MYZAP: variants seen among roughly 807,000 people sequenced by gnomAD.
MYZAP encodes myocardial zonula adherens protein.
A neutral mutation model predicts 69.4 loss-of-function variants in MYZAP; 66 were observed. That is an observed-to-expected ratio of 0.95 (90% CI 0.78 to 1.17). MYZAP has a LOEUF of 1.17. MYZAP is among the 50% of genes most tolerant of loss of function. The pLI, the probability that MYZAP is intolerant of heterozygous loss-of-function variation, is 0.00. For missense variants in MYZAP, 611 were observed against 556.2 expected (o/e 1.10, Z -0.99); for synonymous variants, 256 against 205.9 (o/e 1.24, Z -2.09).
chr15:57,673,463 CGT>C (rs3051249), intron 11 of MYZAP, among the ~76,000 whole-genome samples: 18,109 of 102,198 alleles, frequency 0.18, 1,188 homozygotes, highest in East Asian at 0.24. Context: ...TGCGTGCATG[CGT>C]GTGTGTGTGT....
intron 12 of MYZAP, among the ~76,000 whole-genome samples, chr15:57,683,846 GT>G (rs1226800448): frequency 2.0e-5 from 3 of 151,852 alleles, no homozygotes; most frequent in South Asian, 2.1e-4. Flanking sequence ...CCAGGCTGGA[GT>G]GCAGTGGCAT....
chr15:57,668,909 C>A (rs1595932128), intron 11 of MYZAP, among the ~76,000 whole-genome samples: 1 of 127,340 alleles, frequency 7.9e-6, no homozygotes, highest in African/African-American at 3.5e-5. Context: ...TTTTTTTTTG[C>A]AATGGGGTCT....
chr15:57,605,272 A>G (rs1289684804), intron 2 of MYZAP, among the ~76,000 whole-genome samples: 1 of 152,216 alleles, frequency 6.6e-6, no homozygotes, highest in African/African-American at 2.4e-5. Flanking sequence ...TATAGAGGTT[A>G]GGAGGTGGTA....
At chr15:57,661,174 G>A (rs1296494258) in intron 10 of MYZAP, among the ~76,000 whole-genome samples, 4 of 152,074 alleles carry the variant, frequency 2.6e-5, no homozygotes, top group African/African-American at 4.8e-5. Context: ...CAAAGCTGAG[G>A]AGCTGTGACT....
At chr15:57,595,523 C>T (rs1427652619) in intron 1 of MYZAP, among the ~76,000 whole-genome samples, 1 of 148,290 alleles carries the variant, frequency 6.7e-6, no homozygotes, top group Non-Finnish European at 1.5e-5. Flanking sequence ...GTGGCTGGGT[C>T]GTGTGCTTTG....
Position 57,625,861 on chromosome 15 carries a change from C to T in MYZAP, c.494C>T (p.Ser165Leu), listed in dbSNP as rs1206182150. Residue 165 changes from serine (S) to leucine (L), a missense_variant, in exon 5 of 13, where the codon TCA (serine) becomes TTA (leucine). Physicochemically the swap from Ser to Leu is moderately radical, Grantham distance 145. Transcript: ENST00000267853. Reference protein sequence around the residue: ...SALDRFNAMNSALASDSIGLQ... With the variant: ...SALDRFNAMNLALASDSIGLQ... ...CTGGATCGTTTTAATGCCATGAACT[C>T]AGCCTTGGCATCAGATTCCATTGGC... The T allele has an allele frequency of 6.2e-6, 10 of 1,614,064 alleles. No homozygotes were observed. Among genetic ancestry groups the T allele is most frequent in the African/African-American group, 2.7e-5 (2 of 74,908 alleles).
At chr15:57,632,327 G>T in intron 6 of MYZAP, 107 bp from the exon 7 acceptor site, 1 of 1,547,340 alleles carries the variant, frequency 6.5e-7, no homozygotes, top group Admixed American at 1.8e-5. Context: ...AGAACCCAGT[G>T]GATGGGCTCA....
chr15:57,672,171 C>T lies in MYZAP; in HGVS notation c.1204-2797C>T, dbSNP rs143995249. Among the ~76,000 whole-genome samples the T allele has an allele frequency of 2.7e-3, 404 of 152,244 alleles. 7 individuals are homozygous for T. The highest frequency in any genetic ancestry group is 9.3e-3 in the African/African-American group (388 of 41,534). ...TATACAAGAATTTAGTGTTTTCCCC[C>T]AACTCTGACTCTCCTCTTTTGCCTT... is the stretch of plus-strand genomic sequence containing the variant. On this transcript the variant is annotated intron_variant, in intron 11 of 12. Transcript: ENST00000267853.
At chr15:57,650,749 T>C (rs1461916005) in intron 10 of MYZAP, among the ~76,000 whole-genome samples, 1 of 152,170 alleles carries the variant, frequency 6.6e-6, no homozygotes, top group Non-Finnish European at 1.5e-5. Context: ...AGGTAGTGTT[T>C]GACCAGGCCT....
chr15:57,648,491 C>T, intron 10 of MYZAP: 1 of 984,668 alleles, frequency 1.0e-6, no homozygotes. Context: ...ATGGATGTCA[C>T]ATTCCCATGT....
Position 57,606,118 on chromosome 15 carries a change from A to G in MYZAP, c.162+1763A>G, listed in dbSNP as rs2034731270. Among the ~76,000 whole-genome samples the G allele has an allele frequency of 2.6e-5, 4 of 152,176 alleles. No homozygotes were observed. The South Asian group carries it at 8.3e-4, about 32-fold the overall frequency. On this transcript the variant is annotated intron_variant, in intron 2 of 12. Transcript: ENST00000267853. ...TGCAAAAATAAGTTGGTGAAAGATT[A>G]TTGTAGGATATTCTCAAAGTATCAC...
In MYZAP at chr15:57,621,616, C is replaced by T. The variant is rs747315874; in HGVS notation, c.327C>T (p.Ala109=). ...EEMNYIKDVR[A]TLEKVRKRMY... ...ATCTTTGTGGGCTACAGGTGAGAGC[C>T]ACTTTGGAAAAGGTGAGAAAGCGAA... Residue 109 remains alanine (A), a synonymous_variant, in exon 4 of 13, where the codon GCC becomes GCT. Coordinates refer to ENST00000267853, the MANE Select transcript of MYZAP (RefSeq NM_001018100.5). 3 of 1,613,342 alleles carry T rather than the reference C, an allele frequency of 1.9e-6. No homozygotes were observed. Among genetic ancestry groups the T allele is most frequent in the Non-Finnish European group, 2.5e-6 (3 of 1,179,638 alleles).
At chr15:57,640,190 A>G (rs949746983) in intron 10 of MYZAP, among the ~76,000 whole-genome samples, 3 of 152,136 alleles carry the variant, frequency 2.0e-5, no homozygotes, top group African/African-American at 2.4e-5. Flanking sequence ...GAACATTTCT[A>G]TTTCTCTAAG....
intron 5 of MYZAP, among the ~76,000 whole-genome samples, chr15:57,627,330 C>G (rs73422892): frequency 0.015 from 1,970 of 134,604 alleles, 49 homozygotes; most frequent in African/African-American, 0.048. Context: ...AGCCTTATAG[C>G]TAAAACCGCT....
intron 11 of MYZAP, among the ~76,000 whole-genome samples, 179 bp from the exon 12 acceptor site, chr15:57,674,789 G>C (rs1046196213): frequency 7.9e-5 from 12 of 152,198 alleles, no homozygotes; most frequent in Admixed American, 3.9e-4. Context: ...CAAGCCATTT[G>C]TATGCATTCA....
At chr15:57,593,639 C>G (rs1396036464) in intron 1 of MYZAP, among the ~76,000 whole-genome samples, 5 of 152,200 alleles carry the variant, frequency 3.3e-5, no homozygotes, top group African/African-American at 1.2e-4. Flanking sequence ...AGGTGCTTTG[C>G]TGTCGGACAC....
intron 1 of MYZAP, chr15:57,599,791 C>T (rs2034300273): frequency 1.0e-6 from 1 of 1,002,634 alleles, no homozygotes; most frequent in Non-Finnish European, 1.4e-6. Context: ...GTAGACTGTA[C>T]TCGGACAACT....
rs1202591482 is a variant in MYZAP at position 57,670,041 on chromosome 15, C to T, written c.1204-4927C>T. ...ATTTATTGGGACTTATTTTATGGCTCAGCATATAGTTTCAATTAAATTTTT... is the reference window on the plus strand; with the variant it reads ...ATTTATTGGGACTTATTTTATGGCTTAGCATATAGTTTCAATTAAATTTTT... On this transcript the variant is annotated intron_variant, in intron 11 of 12. Coordinates refer to ENST00000267853, the MANE Select transcript of MYZAP (RefSeq NM_001018100.5). 2.0e-5 allele frequency among the ~76,000 whole-genome samples: 3 copies of T among 151,998 alleles called. No individual in the cohort carries two copies. The East Asian group carries it at 5.8e-4, about 29-fold the overall frequency.
At position 57,637,687 on chromosome 15, in the gene MYZAP, T is replaced by C. The variant is rs2140458605; in HGVS notation, c.934-8T>C. The C allele has an allele frequency of 1.9e-6, 3 of 1,611,610 alleles. No homozygotes were observed. Among genetic ancestry groups the C allele is most frequent in the East Asian group, 4.5e-5 (2 of 44,816 alleles). On this transcript the variant is annotated splice_region_variant and splice_polypyrimidine_tract_variant and intron_variant, in intron 8 of 12. Transcript: ENST00000267853. ...ATTGATTAAAATATCAGTTTCTGTT[T>C]GTTTTAGGAACGTCATCAACTGCAA...
Sources: allele counts gnomAD v4.1 joint callset (sites outside exome capture counted in the v4.1 genomes callset), GRCh38; gene constraint gnomAD v4.1.1; transcripts MANE v1.5; gene names NCBI Gene and HGNC (gene_info 2026-07-23, HGNC 2026-07-21).